Variants in FYB2 observed in about 807,000 individuals in gnomAD.
The protein encoded by FYB2 is FYN-binding protein 2.
A neutral mutation model predicts 94.1 loss-of-function variants in FYB2; 103 were observed. That is an observed-to-expected ratio of 1.09 (90% CI 0.93 to 1.29). The LOEUF (loss-of-function observed/expected upper bound fraction) is 1.29, where lower values mean the gene tolerates loss of function less well. Among genes scored for constraint, FYB2 ranks in the 50% most tolerant of loss-of-function variants. The pLI is 0.00. For missense variants in FYB2, 896 were observed against 841.5 expected, an observed-to-expected ratio of 1.06 and a Z score of -0.80; for synonymous variants, 293 against 287.9, an observed-to-expected ratio of 1.02 and a Z score of -0.18.
At chr1:56,803,167 C>T (rs770385896) in intron 1 of FYB2, among the ~76,000 whole-genome samples, 14 of 152,140 alleles carry the variant, frequency 9.2e-5, no homozygotes, top group South Asian at 2.1e-4. Context: ...ATTCTGTATA[C>T]GTAAATCCTA....
chr1:56,754,072 T>C, intron 7 of FYB2, 137 bp from the exon 8 acceptor site: 1 of 623,914 alleles, frequency 1.6e-6, no homozygotes, highest in South Asian at 2.0e-5. Flanking sequence ...ATGAAGGGAC[T>C]AGGATCAGAT....
At chr1:56,737,826 G>A (rs958405874) in intron 14 of FYB2, among the ~76,000 whole-genome samples, 5 of 151,988 alleles carry the variant, frequency 3.3e-5, no homozygotes, top group African/African-American at 1.2e-4. Flanking sequence ...TGTGGGTGGG[G>A]ATACAATGCA....
intron 1 of FYB2, 103 bp downstream of exon 1, chr1:56,819,179 C>A (rs1646955786): frequency 1.5e-6 from 2 of 1,333,404 alleles, no homozygotes; most frequent in East Asian, 7.4e-5. Flanking sequence ...GCCCAGGAGG[C>A]AGCACACACA....
chr1:56,796,013 G>T (rs964214909), intron 1 of FYB2, among the ~76,000 whole-genome samples: 1 of 152,150 alleles, frequency 6.6e-6, no homozygotes, highest in Admixed American at 6.5e-5. Flanking sequence ...CAGAAAATAA[G>T]CAATTACACA....
At chr1:56,753,698 T>G in intron 8 of FYB2, 141 bp downstream of exon 8, 1 of 618,904 alleles carries the variant, frequency 1.6e-6, no homozygotes, top group Non-Finnish European at 2.8e-6. Context: ...ATTGTTACAT[T>G]TATTTCCTTG....
At chr1:56,795,176 A>G (rs1440882242) in intron 1 of FYB2, among the ~76,000 whole-genome samples, 1 of 151,500 alleles carries the variant, frequency 6.6e-6, no homozygotes, top group Admixed American at 6.6e-5. Context: ...CTCATTCTAC[A>G]CTCTGTCTCT....
intron 1 of FYB2, among the ~76,000 whole-genome samples, chr1:56,816,156 T>C (rs1303523030): frequency 6.6e-6 from 1 of 152,242 alleles, no homozygotes; most frequent in Non-Finnish European, 1.5e-5. Flanking sequence ...CATTTTTCTA[T>C]ATTTCACAAT....
At chr1:56,787,626 A>G (rs1570151291) in intron 3 of FYB2, among the ~76,000 whole-genome samples, 1 of 152,190 alleles carries the variant, frequency 6.6e-6, no homozygotes, top group South Asian at 2.1e-4. Context: ...ATCATGTCTC[A>G]TTATCCTCAC....
chr1:56,818,577 G>T (rs1446692371), intron 1 of FYB2, among the ~76,000 whole-genome samples: 1 of 151,910 alleles, frequency 6.6e-6, no homozygotes, highest in Non-Finnish European at 1.5e-5. Flanking sequence ...AAGGAAAAAG[G>T]AAGATGTGGT....
At chr1:56,794,795 G>A (rs186980248) in intron 1 of FYB2, among the ~76,000 whole-genome samples, 19 of 152,206 alleles carry the variant, frequency 1.2e-4, no homozygotes, top group African/African-American at 4.3e-4. Flanking sequence ...AGATCTGAGT[G>A]TGAAACTCCA....
chr1:56,744,338 G>T, intron 9 of FYB2, 72 bp from the exon 10 acceptor site: 1 of 1,077,332 alleles, frequency 9.3e-7, no homozygotes, highest in Non-Finnish European at 1.4e-6. Flanking sequence ...ACACATCACT[G>T]GCAGTGGAGG....
chr1:56,804,536 C>A (rs1164478047), intron 1 of FYB2, among the ~76,000 whole-genome samples: 2 of 152,008 alleles, frequency 1.3e-5, no homozygotes, highest in Non-Finnish European at 2.9e-5. Context: ...ACCAGCCTGG[C>A]CAACATGGTG....
chr1:56,732,783 G>A (rs903023899), intron 15 of FYB2, among the ~76,000 whole-genome samples: 1 of 151,936 alleles, frequency 6.6e-6, no homozygotes, highest in Admixed American at 6.6e-5. Context: ...ATATACAGAA[G>A]AATAAAACTA....
intron 6 of FYB2, among the ~76,000 whole-genome samples, chr1:56,758,084 T>C (rs1248975774): frequency 1.3e-5 from 2 of 152,022 alleles, no homozygotes; most frequent in African/African-American, 4.8e-5. Context: ...TGGCCAAGAA[T>C]ACACCATTTT....
intron 4 of FYB2, among the ~76,000 whole-genome samples, chr1:56,773,459 C>A (rs1015662004): frequency 6.6e-6 from 1 of 152,162 alleles, no homozygotes; most frequent in Non-Finnish European, 1.5e-5. Flanking sequence ...TCATTATATG[C>A]ACCTCTCATT....
intron 15 of FYB2, among the ~76,000 whole-genome samples, chr1:56,734,321 G>A (rs1345163894): frequency 7.2e-6 from 1 of 138,532 alleles, no homozygotes; most frequent in Non-Finnish European, 1.6e-5. Flanking sequence ...CACATGAGAT[G>A]GGTCTCCTGA....
At chr1:56,719,836 T>C in intron 19 of FYB2, 144 bp from the exon 20 acceptor site, 1 of 1,027,714 alleles carries the variant, frequency 9.7e-7, no homozygotes, top group Non-Finnish European at 1.4e-6. Context: ...AGAAGTTTGA[T>C]AGCATACTCA....
At chr1:56,797,511 G>C (rs560256098) in intron 1 of FYB2, among the ~76,000 whole-genome samples, 1 of 152,076 alleles carries the variant, frequency 6.6e-6, no homozygotes, top group Non-Finnish European at 1.5e-5. Context: ...GAACTACCAC[G>C]CCCAGGCACT....
chr1:56,748,647 T>A (rs1235604307), intron 9 of FYB2, among the ~76,000 whole-genome samples: 2 of 152,012 alleles, frequency 1.3e-5, no homozygotes, highest in Non-Finnish European at 2.9e-5. Context: ...TAAAGCAAAT[T>A]AATACCATTA....
Sources: allele counts gnomAD v4.1 joint callset (sites outside exome capture counted in the v4.1 genomes callset), GRCh38; gene constraint gnomAD v4.1.1; transcripts MANE v1.5; gene names NCBI Gene and HGNC (gene_info 2026-07-23, HGNC 2026-07-21).